The following KRT6C variants were observed in gnomAD, a reference collection of about 807,000 sequenced individuals.
KRT6C encodes keratin, type II cytoskeletal 6C.
KRT6C carries 46 observed loss-of-function variants against 49.4 expected under a neutral mutation model. That is an observed-to-expected ratio of 0.93 (90% CI 0.74 to 1.19). The LOEUF (loss-of-function observed/expected upper bound fraction) is 1.19, where lower values mean the gene tolerates loss of function less well. Ranked by LOEUF, KRT6C falls within the 50% of genes most tolerant of loss-of-function variation. The probability of loss-of-function intolerance (pLI) is 0.00; values close to 1 mark genes in which losing one functional copy is unlikely to be tolerated. For synonymous variants in KRT6C, 236 were observed against 297.1 expected, an observed-to-expected ratio of 0.79 and a Z score of 2.12; for missense variants, 552 against 737.5, an observed-to-expected ratio of 0.75 and a Z score of 2.91.
At position 52,469,121 on chromosome 12, in the gene KRT6C, T is replaced by C; in HGVS notation, c.1636A>G (p.Ser546Gly). The C allele has an allele frequency of 6.2e-7, 1 of 1,614,052 alleles. No homozygotes were observed. The highest frequency in any genetic ancestry group is 8.5e-7 in the Non-Finnish European group (1 of 1,179,928). ...GGGLSSVGGG[S>G]STIKYTTTSS... is the part of the protein sequence containing the mutation. ...GTGGTGGTGTACTTGATGGTGGAAC[T>C]GCCGCCTCCAACAGAGCTGAGGCCA... is the stretch of plus-strand genomic sequence containing the variant. The change falls in exon 9 of 9, where the codon AGT (serine) becomes GGT (glycine). Residue 546 changes from serine (S) to glycine (G), a missense_variant. Physicochemically the swap from Ser to Gly is moderately conservative, Grantham distance 56. Transcript: ENST00000252250.
In KRT6C at chr12:52,473,778, T is replaced by C. The variant is rs1174081380; in HGVS notation, c.-41A>G. The C allele has an allele frequency of 6.2e-7, 1 of 1,613,924 alleles. No individual in the cohort carries two copies. The highest frequency in any genetic ancestry group is 1.7e-5 in the Admixed American group (1 of 59,996). On this transcript the variant is annotated 5_prime_UTR_variant, in exon 1 of 9. Coordinates refer to ENST00000252250, the MANE Select transcript of KRT6C (RefSeq NM_173086.5). ...GAGGGCTGTGGCGAGCGTTGGAGGC[T>C]GGAGGCGAGAGGCAGGAGAAGCAGG...
intron 1 of KRT6C, 94 bp from the exon 2 acceptor site, chr12:52,472,374 G>A: frequency 8.9e-7 from 1 of 1,121,682 alleles, no homozygotes; most frequent in South Asian, 1.3e-5. Context: ...AGGTCCCCAT[G>A]GTGCTGGGCT....
rs112496206 is a variant in KRT6C at position 52,473,173 on chromosome 12, G to A, written c.540+25C>T. 1.4e-5 allele frequency: 18 copies of A among 1,291,034 alleles called. 4 individuals are homozygous for A. The highest frequency in any genetic ancestry group is 2.8e-5 in the African/African-American group (2 of 71,894). 80.0% of individuals were successfully genotyped at this position (1,291,034 alleles called of 1,614,324 possible). Reference sequence around the variant, plus strand: ...CTGGTCTGGGGACCCTGAAGTGCCCGATGGAGGGCATGGCACTGGCTCACC... The same window carrying A: ...CTGGTCTGGGGACCCTGAAGTGCCCAATGGAGGGCATGGCACTGGCTCACC... On this transcript the variant is annotated intron_variant, in intron 1 of 8. Coordinates refer to ENST00000252250, the MANE Select transcript of KRT6C (RefSeq NM_173086.5).
In KRT6C at chr12:52,473,783, G is replaced by C; in HGVS notation, c.-46C>G. 6.2e-7 allele frequency: 1 copy of C among 1,613,790 alleles called. No homozygotes were observed. The highest frequency in any genetic ancestry group is 8.5e-7 in the Non-Finnish European group (1 of 1,179,892). On this transcript the variant is annotated 5_prime_UTR_variant, in exon 1 of 9. Transcript: ENST00000252250. ...CTGTGGCGAGCGTTGGAGGCTGGAG[G>C]CGAGAGGCAGGAGAAGCAGGACAAG...
chr12:52,472,155 C>G lies in KRT6C; in HGVS notation c.666G>C (p.Arg222Ser). 6.6e-7 allele frequency: 1 copy of G among 1,519,296 alleles called. No homozygotes were observed. The highest frequency in any genetic ancestry group is 1.3e-5 in the African/African-American group (1 of 74,416). The allele number at this position is 1,519,296 out of a possible 1,614,324, so 94.1% of individuals were successfully genotyped here. The part of the protein sequence containing the change: ...PLFEQYINNL[R>S]RQLDSIVGER... ...CCCCGACGATGCTGTCCAGCTGCCTCCTGAGGTTGTTGATGTACTGCTCGA... is the reference window on the plus strand; with the variant it reads ...CCCCGACGATGCTGTCCAGCTGCCTGCTGAGGTTGTTGATGTACTGCTCGA... The change falls in exon 2 of 9, where the codon AGG (arginine) becomes AGC (serine). Residue 222 changes from arginine to serine, a missense_variant. This residue lies in a region of KRT6C where 425 missense variants were observed against 439.4 expected (regional missense o/e 0.97). Transcript: ENST00000252250.
Position 52,470,017 on chromosome 12 carries a change from G to T in KRT6C, c.1204-127C>A, listed in dbSNP as rs75171044. 3,005 of 1,099,698 alleles carry T rather than the reference G, an allele frequency of 2.7e-3. 39 individuals carry two copies. In the African/African-American group the frequency reaches 0.04, roughly 15 times the overall value. The allele number at this position is 1,099,698 out of a possible 1,614,324, so 68.1% of individuals were successfully genotyped here. A position where few individuals can be genotyped will look rare whatever the true frequency, so the allele number is the denominator to read the frequency against. ...AATGAGCTTTGACTCTTCCTGTCCAGTATTTCTCCATTTGGCAATATTTGT... is the reference window on the plus strand; with the variant it reads ...AATGAGCTTTGACTCTTCCTGTCCATTATTTCTCCATTTGGCAATATTTGT... On this transcript the variant is annotated intron_variant, in intron 6 of 8. Transcript: ENST00000252250.
chr12:52,473,123 T>A lies in KRT6C; in HGVS notation c.540+75A>T. The A allele has an allele frequency of 8.0e-6, 11 of 1,382,278 alleles. 2 individuals are homozygous for A. In the South Asian group the frequency reaches 1.3e-4, roughly 16 times the overall value. 85.6% of individuals were successfully genotyped at this position (1,382,278 alleles called of 1,614,324 possible). A position where few individuals can be genotyped will look rare whatever the true frequency, so the allele number is the denominator to read the frequency against. ...TCCCCTTCTCCCTCCCTCCTAGGTCTCCCTAGCAGGAAGGTGTTGCTCTTC... is the reference window on the plus strand; with the variant it reads ...TCCCCTTCTCCCTCCCTCCTAGGTCACCCTAGCAGGAAGGTGTTGCTCTTC... On this transcript the variant is annotated intron_variant, in intron 1 of 8. Transcript: ENST00000252250.
chr12:52,471,160 G>A lies in KRT6C; in HGVS notation c.1049C>T (p.Ala350Val), dbSNP rs1937872284. 6.2e-7 allele frequency: 1 copy of A among 1,614,154 alleles called. No homozygotes were observed. The highest frequency in any genetic ancestry group is 1.6e-4 in the Middle Eastern group (1 of 6,062). ...QYEEIAQRSR[A>V]EAESWYQTKY... ...GGTCTGGTACCAGGACTCAGCCTCA[G>A]CCCGGCTCCTCTGAGCAATCTCCTC... Residue 350 changes from alanine (A) to valine (V), a missense_variant, in exon 5 of 9, where the codon GCT becomes GTT. Physicochemically the swap from Ala to Val is moderately conservative, Grantham distance 64. Transcript: ENST00000252250.
intron 6 of KRT6C, 169 bp downstream of exon 6, chr12:52,470,336 T>C (rs1937853059): frequency 6.5e-6 from 8 of 1,234,988 alleles, no homozygotes; most frequent in Non-Finnish European, 9.2e-6. Context: ...CTCATCCTCT[T>C]GGGTGGGATT....
chr12:52,473,114 T>C, intron 1 of KRT6C, 84 bp downstream of exon 1: 1 of 1,374,996 alleles, frequency 7.3e-7, no homozygotes, highest in South Asian at 1.2e-5. Context: ...TCTCCCTCCC[T>C]CCTAGGTCTC....
In KRT6C at chr12:52,468,840, C is replaced by T. The variant is rs1353288921; in HGVS notation, c.*222G>A. On this transcript the variant is annotated 3_prime_UTR_variant, in exon 9 of 9. Transcript: ENST00000252250. ...CAAAGTGAAGCTCCATTGGTGAATA[C>T]ATTATGATGTAAAATCAAAGGTTGA... 2 of 610,096 alleles carry T rather than the reference C, an allele frequency of 3.3e-6. No homozygotes were observed. Among genetic ancestry groups the T allele is most frequent in the Non-Finnish European group, 5.8e-6 (2 of 345,030 alleles). 37.8% of individuals were successfully genotyped at this position (610,096 alleles called of 1,614,324 possible). A position where few individuals can be genotyped will look rare whatever the true frequency, so the allele number is the denominator to read the frequency against.
chr12:52,468,961 G>C lies in KRT6C; in HGVS notation c.*101C>G, dbSNP rs568230729. The C allele has an allele frequency of 6.1e-6, 9 of 1,480,704 alleles. No homozygotes were observed. In the South Asian group the frequency reaches 1.1e-4, roughly 17 times the overall value. The allele number at this position is 1,480,704 out of a possible 1,614,324, so 91.7% of individuals were successfully genotyped here. A position where few individuals can be genotyped will look rare whatever the true frequency, so the allele number is the denominator to read the frequency against. On this transcript the variant is annotated 3_prime_UTR_variant, in exon 9 of 9. Transcript: ENST00000252250. ...ATACCCAGCTCTACCTCGGAGAGCA[G>C]GGAAGACTAGAGGCCAGGAGAGGAT...
In KRT6C at chr12:52,472,653, G is replaced by A. The variant is rs1167133887; in HGVS notation, c.541-373C>T. Among the ~76,000 whole-genome samples, 2 of 135,100 alleles carry A rather than the reference G, an allele frequency of 1.5e-5. 1 individual carries two copies. Among genetic ancestry groups the A allele is most frequent in the Non-Finnish European group, 3.4e-5 (2 of 58,172 alleles). The allele number at this position is 135,100 out of a possible 152,430, so 88.6% of individuals were successfully genotyped here. ...TTAGTTAGGAGAGATATTATATGTT[G>A]ACTCATGATTACATTTCAGTCTACT... On this transcript the variant is annotated intron_variant, in intron 1 of 8. Transcript: ENST00000252250.
chr12:52,470,349 C>T, intron 6 of KRT6C, 156 bp downstream of exon 6: 2 of 1,363,446 alleles, frequency 1.5e-6, no homozygotes, highest in Non-Finnish European at 2.1e-6. Flanking sequence ...GTGGGATTCA[C>T]TTCTCTATTG....
chr12:52,469,561 C>T, intron 7 of KRT6C, 109 bp downstream of exon 7: 1 of 1,612,520 alleles, frequency 6.2e-7, no homozygotes, highest in African/African-American at 1.3e-5. Flanking sequence ...TTAGTTTTCT[C>T]TCAAGAAGAG....
intron 3 of KRT6C, 21 bp downstream of exon 3, chr12:52,471,651 C>A: frequency 3.1e-6 from 5 of 1,610,334 alleles, no homozygotes; most frequent in Non-Finnish European, 4.2e-6. Flanking sequence ...TGAATTTGAA[C>A]CCCCGGCTTC....
At chr12:52,472,461 C>G (rs1937905055) in intron 1 of KRT6C, among the ~76,000 whole-genome samples, 181 bp from the exon 2 acceptor site, 1 of 135,376 alleles carries the variant, frequency 7.4e-6, no homozygotes, top group South Asian at 2.3e-4. Flanking sequence ...ACCAGTCTCA[C>G]TAGAGAAATT....
chr12:52,471,001 T>C, intron 5 of KRT6C, 131 bp downstream of exon 5: 3 of 1,471,746 alleles, frequency 2.0e-6, no homozygotes, highest in South Asian at 2.3e-5. Context: ...TCTACTCTAA[T>C]AGTGCAGAGT....
rs1423332534 is a variant in KRT6C at position 52,470,062 on chromosome 12, AC to A, written c.1204-173del. The A allele has an allele frequency of 1.5e-5, 12 of 803,176 alleles. No individual in the cohort carries two copies. In the East Asian group the frequency reaches 3.2e-4, roughly 21 times the overall value. 49.8% of individuals were successfully genotyped at this position (803,176 alleles called of 1,614,324 possible). A position where few individuals can be genotyped will look rare whatever the true frequency, so the allele number is the denominator to read the frequency against. ...ATTTGTCTAGTCTGGGAGTCAAGTG[AC>A]AAAGTCCTATGCCCCTTGTATTAAG... On this transcript the variant is annotated intron_variant, in intron 6 of 8. Coordinates refer to ENST00000252250, the MANE Select transcript of KRT6C (RefSeq NM_173086.5).
Sources: gnomAD v4.1 joint callset for allele counts (sites outside exome capture counted in the v4.1 genomes callset) on GRCh38, gnomAD v4.1.1 for gene constraint, gnomAD v4.1.1 regional missense constraint, MANE v1.5 for transcripts, NCBI Gene and HGNC (gene_info 2026-07-23, HGNC 2026-07-21) for gene names.